BRCA1: variants seen among roughly 807,000 people sequenced by gnomAD.
BRCA1 encodes BRCA1 DNA repair associated.
BRCA1 carries 140 observed loss-of-function variants against 173.7 expected under a neutral mutation model. The ratio of observed to expected loss-of-function variants is 0.81; its 90% confidence interval spans 0.70 to 0.93. The LOEUF (loss-of-function observed/expected upper bound fraction) is 0.93. Among genes scored for constraint, BRCA1 ranks in the 40% least tolerant of loss-of-function variants. The pLI is 0.00. For synonymous variants in BRCA1, 662 were observed against 756.0 expected (o/e 0.88, Z 2.04); for missense variants, 1,983 against 2,172.5 (o/e 0.91, Z 1.73).
At chr17:43,121,101 C>T (rs1188992470) in intron 2 of BRCA1, among the ~76,000 whole-genome samples, 6 of 148,740 alleles carry the variant, frequency 4.0e-5, no homozygotes, top group Admixed American at 4.0e-4. Context: ...CCAGGCCGGG[C>T]GCAGTGGCTC....
chr17:43,084,295 G>A (rs1219374052), intron 11 of BRCA1, among the ~76,000 whole-genome samples: 12 of 152,136 alleles, frequency 7.9e-5, no homozygotes, highest in Admixed American at 3.3e-4. Context: ...CTCCCAAAGT[G>A]CTGGGATTAC....
chr17:43,047,612 C>A (rs1195023014), intron 22 of BRCA1, 31 bp downstream of exon 22: 1 of 1,613,484 alleles, frequency 6.2e-7, no homozygotes, highest in Non-Finnish European at 8.5e-7. Flanking sequence ...AAAAGGACCC[C>A]ATATAGCACA....
rs80358028 is a variant in BRCA1 at position 43,049,120 on chromosome 17, C to T, written c.5406+1G>A. ...TCTCTGACAGGGCACCCAATACTTACTGTGCCAAGGGTGAATGATGAAAGC... is the reference window on the plus strand; with the variant it reads ...TCTCTGACAGGGCACCCAATACTTATTGTGCCAAGGGTGAATGATGAAAGC... On this transcript the variant is annotated splice_donor_variant, in intron 21 of 22. Transcript: ENST00000357654. LOFTEE classifies it high-confidence loss of function. 1 of 1,613,682 alleles carries T rather than the reference C, an allele frequency of 6.2e-7. No homozygotes were observed. Among genetic ancestry groups the T allele is most frequent in the Non-Finnish European group, 8.5e-7 (1 of 1,179,574 alleles).
intron 12 of BRCA1, among the ~76,000 whole-genome samples, chr17:43,077,586 G>A (rs1454455601): frequency 6.6e-6 from 1 of 151,980 alleles, no homozygotes; most frequent in Non-Finnish European, 1.5e-5. Flanking sequence ...CACCCGCCTT[G>A]GCCTCCCAAA....
At position 43,091,792 on chromosome 17, in the gene BRCA1, C is replaced by T. The variant is rs80357191; in HGVS notation, c.3739G>A (p.Val1247Ile). Residue 1247 changes from valine to isoleucine, a missense_variant, in exon 10 of 23, where the codon GTT becomes ATT. By Grantham distance (29) the Val-to-Ile change is conservative. Coordinates refer to ENST00000357654, the MANE Select transcript of BRCA1 (RefSeq NM_007294.4). ...TTCTTAGACAGACACTCGGTAGCAACGGTGCTATGCCTAGTAGACTGAGAA... is the reference window on the plus strand; with the variant it reads ...TTCTTAGACAGACACTCGGTAGCAATGGTGCTATGCCTAGTAGACTGAGAA... Reference protein sequence around the residue: ...IPSQSTRHSTVATECLSKNTE... With the variant: ...IPSQSTRHSTIATECLSKNTE... The T allele has an allele frequency of 4.0e-5, 65 of 1,614,168 alleles. 1 individual carries two copies. In the East Asian group the frequency reaches 6.2e-4, roughly 15 times the overall value.
Position 43,052,813 on chromosome 17 carries a change from ACACACACACACT to A in BRCA1, c.5278-1708_5278-1697del, listed in dbSNP as rs1427690486. Reference sequence around the variant, plus strand: ...CACACACACACACACACACACACACACACACACACACTCTCTTACTTTACCGCCAGAGTGAAA... The same window carrying A: ...CACACACACACACACACACACACACACTCTTACTTTACCGCCAGAGTGAAA... On this transcript the variant is annotated intron_variant, in intron 19 of 22. Transcript: ENST00000357654. Among the ~76,000 whole-genome samples the A allele has an allele frequency of 2.3e-3, 284 of 125,308 alleles. 1 individual carries two copies. Among genetic ancestry groups the A allele is most frequent in the South Asian group, 4.0e-3 (13 of 3,262 alleles). 82.2% of individuals were successfully genotyped at this position (125,308 alleles called of 152,430 possible). A position where few individuals can be genotyped will look rare whatever the true frequency, so the allele number is the denominator to read the frequency against.
In BRCA1 at chr17:43,091,891, C is replaced by T. The variant is rs80356923; in HGVS notation, c.3640G>A (p.Glu1214Lys). 1.8e-4 allele frequency: 285 copies of T among 1,614,052 alleles called. No homozygotes were observed. Among genetic ancestry groups the T allele is most frequent in the Admixed American group, 2.3e-4 (14 of 60,000 alleles). ...RGAKKLESSE[E>K]NLSSEDEELP... ...TCTTCATCCTCACTAGATAAGTTCT[C>T]TTCTGAGGACTCTAATTTCTTGGCC... Residue 1214 changes from glutamate to lysine, a missense_variant, in exon 10 of 23, where the codon GAG becomes AAG. Coordinates refer to ENST00000357654, the MANE Select transcript of BRCA1 (RefSeq NM_007294.4).
At chr17:43,080,662 A>T (rs767661294) in intron 12 of BRCA1, among the ~76,000 whole-genome samples, 7 of 152,034 alleles carry the variant, frequency 4.6e-5, no homozygotes, top group Non-Finnish European at 8.8e-5. Context: ...AAAAAAAATT[A>T]GCTGGGTATG....
chr17:43,154,881 C>T (rs1257514545), intron 1 of BRCA1, among the ~76,000 whole-genome samples: 1 of 150,896 alleles, frequency 6.6e-6, no homozygotes, highest in African/African-American at 2.4e-5. Context: ...GGTAGGTGTA[C>T]ATGGGGGGAG....
chr17:43,135,149 A>T (rs2056006598), intron 1 of BRCA1, among the ~76,000 whole-genome samples: 1 of 152,262 alleles, frequency 6.6e-6, no homozygotes, highest in African/African-American at 2.4e-5. Flanking sequence ...CCACGCCTGA[A>T]GACGCCTTAG....
intron 11 of BRCA1, among the ~76,000 whole-genome samples, chr17:43,087,390 C>T (rs1243555756): frequency 3.9e-5 from 6 of 152,102 alleles, no homozygotes; most frequent in Admixed American, 6.5e-5. Context: ...AGGCTGAGTG[C>T]GGTGGCTCAC....
At chr17:43,095,666 A>T (rs2054100941) in intron 9 of BRCA1, among the ~76,000 whole-genome samples, 180 bp downstream of exon 9, 1 of 152,200 alleles carries the variant, frequency 6.6e-6, no homozygotes, top group African/African-American at 2.4e-5. Context: ...ACATTAGTCT[A>T]GTACCATTTA....
At position 43,045,553 on chromosome 17, in the gene BRCA1, T is replaced by C. The variant is rs759416378; in HGVS notation, c.*125A>G. On this transcript the variant is annotated 3_prime_UTR_variant, in exon 23 of 23. Coordinates refer to ENST00000357654, the MANE Select transcript of BRCA1 (RefSeq NM_007294.4). ...GAAGTCCTTTTCAGGCTGATGTACA[T>C]AAAATATTTAGTAGCCAGGACAGTA... The C allele has an allele frequency of 1.4e-6, 2 of 1,418,834 alleles. No individual in the cohort carries two copies. Among genetic ancestry groups the C allele is most frequent in the Admixed American group, 3.9e-5 (2 of 51,884 alleles). 87.9% of individuals were successfully genotyped at this position (1,418,834 alleles called of 1,614,324 possible).
intron 11 of BRCA1, among the ~76,000 whole-genome samples, chr17:43,085,453 T>C (rs781732840): frequency 3.3e-5 from 5 of 152,236 alleles, no homozygotes; most frequent in Non-Finnish European, 7.3e-5. Flanking sequence ...TTACTGCCAT[T>C]AGGATAAAAT....
intron 19 of BRCA1, among the ~76,000 whole-genome samples, chr17:43,056,668 G>A (rs774983954): frequency 6.7e-6 from 1 of 149,358 alleles, no homozygotes; most frequent in Non-Finnish European, 1.5e-5. Context: ...GTGAGACTCC[G>A]TCTTGGGAAA....
chr17:43,069,023 T>C (rs1025934768), intron 15 of BRCA1, among the ~76,000 whole-genome samples: 2 of 152,198 alleles, frequency 1.3e-5, no homozygotes, highest in African/African-American at 2.4e-5. Context: ...TTACTAGCCA[T>C]AGCCACAGCC....
chr17:43,056,174 CT>C (rs398058724), intron 19 of BRCA1, among the ~76,000 whole-genome samples: 1,854 of 139,804 alleles, frequency 0.013, 12 homozygotes, highest in East Asian at 0.036. Flanking sequence ...ATAAAGTGAT[CT>C]TTTTTTTTTT....
intron 18 of BRCA1, among the ~76,000 whole-genome samples, chr17:43,057,836 AAAACAAACAAAC>A (rs532984972): frequency 2.6e-5 from 4 of 151,228 alleles, no homozygotes; most frequent in Non-Finnish European, 5.9e-5. Context: ...ACTCCGTCTC[AAAACAAACAAAC>A]AAACAAACAA....
At chr17:43,150,556 T>C (rs1450503782) in intron 1 of BRCA1, among the ~76,000 whole-genome samples, 1 of 152,198 alleles carries the variant, frequency 6.6e-6, no homozygotes, top group East Asian at 1.9e-4. Flanking sequence ...GCATCTCTTC[T>C]CTAGACCCAT....
Sources: gnomAD v4.1 joint callset for allele counts (sites outside exome capture counted in the v4.1 genomes callset) on GRCh38, gnomAD v4.1.1 for gene constraint, MANE v1.5 for transcripts, NCBI Gene and HGNC (gene_info 2026-07-23, HGNC 2026-07-21) for gene names.